KCNQ2: variants seen among roughly 807,000 people sequenced by gnomAD.
KCNQ2 encodes potassium voltage-gated channel subfamily Q member 2.
Under a neutral mutation model 84.8 loss-of-function variants are expected in KCNQ2, and 14 were observed. That is an observed-to-expected ratio of 0.17 (90% CI 0.11 to 0.26). KCNQ2 has a LOEUF of 0.26. Among genes scored for constraint, KCNQ2 ranks in the 10% least tolerant of loss-of-function variants. The pLI is 1.00. For missense variants in KCNQ2, 788 were observed against 1,254.0 expected (o/e 0.63, Z 5.61); for synonymous variants, 599 against 554.1 (o/e 1.08, Z -1.14).
intron 10 of KCNQ2, among the ~76,000 whole-genome samples, chr20:63,424,719 G>T (rs549124084): frequency 2.0e-5 from 3 of 152,324 alleles, no homozygotes; most frequent in Admixed American, 1.3e-4. Flanking sequence ...GGTTTGCACC[G>T]CTGACCAACT....
chr20:63,444,304 CTTTGTA>C (rs1054957424), intron 4 of KCNQ2, among the ~76,000 whole-genome samples: 8 of 152,232 alleles, frequency 5.3e-5, no homozygotes, highest in African/African-American at 9.6e-5. Flanking sequence ...GTGACTAGCA[CTTTGTA>C]TTGATCCAGG....
chr20:63,425,800 GTA>G lies in KCNQ2; in HGVS notation c.1218-1596_1218-1595del, dbSNP rs1467829968. Among the ~76,000 whole-genome samples the G allele has an allele frequency of 6.6e-6, 1 of 152,198 alleles. No individual in the cohort carries two copies. The highest frequency in any genetic ancestry group is 2.4e-5 in the African/African-American group (1 of 41,444). On this transcript the variant is annotated intron_variant, in intron 10 of 16. Coordinates refer to ENST00000359125, the MANE Select transcript of KCNQ2 (RefSeq NM_172107.4). This position sits in a 1 kb window ranked among gnomAD's most constrained non-coding sequence, Gnocchi z 5.5. ...AAGTCATGACAATCACTTAAATCAGGTATGTGTGAGACCGTGGGTGTGCGCCA... is the reference window on the plus strand; with the variant it reads ...AAGTCATGACAATCACTTAAATCAGGTGTGTGAGACCGTGGGTGTGCGCCA...
chr20:63,431,980 G>GCAGGGAAGGCCCCACCCT (rs1220433631), intron 8 of KCNQ2, among the ~76,000 whole-genome samples: 1 of 115,052 alleles, frequency 8.7e-6, no homozygotes, highest in Admixed American at 8.6e-5. Flanking sequence ...GGCCCCACCC[G>GCAGGGAAGGCCCCACCCT]CAGGGAAGGC....
chr20:63,415,373 G>GGT (rs1315214915), intron 12 of KCNQ2, among the ~76,000 whole-genome samples: 4 of 129,272 alleles, frequency 3.1e-5, no homozygotes, highest in African/African-American at 1.4e-4. Flanking sequence ...GGAGGCCACG[G>GGT]GGACCGAGCA....
At chr20:63,471,861 G>T (rs1264886840) in intron 1 of KCNQ2, 7 of 344,544 alleles carry the variant, frequency 2.0e-5, no homozygotes, top group Non-Finnish European at 3.7e-5. Context: ...TTTGTTCGGC[G>T]CAGAGGCCGC....
intron 1 of KCNQ2, among the ~76,000 whole-genome samples, chr20:63,457,634 G>A (rs2081837378): frequency 6.6e-6 from 1 of 152,254 alleles, no homozygotes; most frequent in Non-Finnish European, 1.5e-5. Context: ...CTCGGGAACA[G>A]GAGTGGAGGA....
chr20:63,446,946 G>T lies in KCNQ2; in HGVS notation c.297-109C>A. 1.0e-6 allele frequency: 1 copy of T among 954,218 alleles called. No individual in the cohort carries two copies. The highest frequency in any genetic ancestry group is 1.7e-6 in the Non-Finnish European group (1 of 587,210). 59.1% of individuals were successfully genotyped at this position (954,218 alleles called of 1,614,324 possible). On this transcript the variant is annotated intron_variant, in intron 1 of 16. Transcript: ENST00000359125. The surrounding 1 kb of genome is among the most constrained non-coding windows in gnomAD (Gnocchi z 5.5). The stretch of plus-strand genomic sequence containing the variant: ...CCCACCAGGCCGCAGCAGGGCACCA[G>T]CATGGCCGCGTCTCCAGAACGCAGG...
intron 11 of KCNQ2, among the ~76,000 whole-genome samples, chr20:63,420,833 T>C (rs1220395238): frequency 3.3e-5 from 3 of 91,722 alleles, no homozygotes; most frequent in Non-Finnish European, 1.0e-4. Flanking sequence ...GACTTTGGGG[T>C]CCCCAGGCAC....
chr20:63,420,914 G>A (rs1206031738), intron 11 of KCNQ2, among the ~76,000 whole-genome samples: 1 of 152,178 alleles, frequency 6.6e-6, no homozygotes, highest in Non-Finnish European at 1.5e-5. Context: ...GACGAGGCAG[G>A]AGGGAGCCGG....
Position 63,425,402 on chromosome 20 carries a change from C to T in KCNQ2, c.1218-1196G>A, listed in dbSNP as rs1601607047. On this transcript the variant is annotated intron_variant, in intron 10 of 16. Coordinates refer to ENST00000359125, the MANE Select transcript of KCNQ2 (RefSeq NM_172107.4). The surrounding 1 kb of genome is among the most constrained non-coding windows in gnomAD (Gnocchi z 5.5). ...AAATCTCCACCCTCTGCAGCATGGA[C>T]TGTGTGTCCAAAACCTCATCGAAAT... Among the ~76,000 whole-genome samples the T allele has an allele frequency of 6.6e-6, 1 of 152,154 alleles. No individual in the cohort carries two copies. The highest frequency in any genetic ancestry group is 1.5e-5 in the Non-Finnish European group (1 of 68,038).
chr20:63,434,919 G>A (rs191060629), intron 7 of KCNQ2, among the ~76,000 whole-genome samples: 14 of 152,366 alleles, frequency 9.2e-5, no homozygotes, highest in Admixed American at 9.1e-4. Context: ...TTGAAGGTCT[G>A]TTTTCAATTC....
intron 1 of KCNQ2, among the ~76,000 whole-genome samples, chr20:63,470,651 G>A (rs558133721): frequency 2.0e-5 from 3 of 152,338 alleles, no homozygotes; most frequent in South Asian, 2.1e-4. Context: ...GCGCTGGCCA[G>A]GCTGTCAGGG....
At chr20:63,450,491 C>T (rs377629639) in intron 1 of KCNQ2, among the ~76,000 whole-genome samples, 5 of 1,220 alleles carry the variant, frequency 4.1e-3, no homozygotes, top group East Asian at 0.015. Context: ...CAGCACTGGG[C>T]GCTGCAGTCA....
At position 63,408,978 on chromosome 20, in the gene KCNQ2, G is replaced by A. The variant is rs991461378; in HGVS notation, c.1764-442C>T. ...CCAGAGGATGCCCCTCCCCCTACCC[G>A]TGCCCACCCCGGAGCTTTACTCCTA... On this transcript the variant is annotated intron_variant, in intron 15 of 16. Transcript: ENST00000359125. The surrounding 1 kb of genome is among the most constrained non-coding windows in gnomAD (Gnocchi z 5.0). Among the ~76,000 whole-genome samples, 3 of 152,098 alleles carry A rather than the reference G, an allele frequency of 2.0e-5. No individual in the cohort carries two copies. The highest frequency in any genetic ancestry group is 4.1e-4 in the South Asian group (2 of 4,824).
At chr20:63,470,397 T>C (rs1245173331) in intron 1 of KCNQ2, among the ~76,000 whole-genome samples, 1 of 151,924 alleles carries the variant, frequency 6.6e-6, no homozygotes, top group African/African-American at 2.4e-5. Context: ...CTGGGGGTGG[T>C]CAGGAAGAGA....
At position 63,408,510 on chromosome 20, in the gene KCNQ2, G is replaced by T. The variant is rs772213473; in HGVS notation, c.1790C>A (p.Pro597Gln). 2 of 1,610,130 alleles carry T rather than the reference G, an allele frequency of 1.2e-6. No homozygotes were observed. Among genetic ancestry groups the T allele is most frequent in the South Asian group, 2.2e-5 (2 of 90,598 alleles). The change falls in exon 16 of 17, where the codon CCA becomes CAA. Residue 597 changes from proline (P) to glutamine (Q), a missense_variant. Pro to Gln is a moderately conservative substitution (Grantham distance 76). Around this residue, in one of 8 missense-constraint regions of KCNQ2, gnomAD observed 378 missense variants for 434.5 expected, o/e 0.87. Transcript: ENST00000359125. The surrounding 1 kb of genome is among the most constrained non-coding windows in gnomAD (Gnocchi z 5.0). ...GGTGCGGTCCTTGTCCGTGATCGCT[G>T]GGCCCCGCCCCACGATCTGGTCCAC... is the stretch of plus-strand genomic sequence containing the variant. ...SRVDQIVGRG[P>Q]AITDKDRTKG...
rs750270667 is a variant in KCNQ2, at chr20:63,408,395, C to T, written c.1887+18G>A. 1.9e-5 allele frequency: 30 copies of T among 1,605,504 alleles called. No homozygotes were observed. In the East Asian group the frequency reaches 6.5e-4, roughly 35 times the overall value. The stretch of plus-strand genomic sequence containing the variant: ...ACAGCCCTCCAGCCCCGCACCCCTC[C>T]CGCCCAGCCTCTCGCACCTGCTTCT... On this transcript the variant is annotated intron_variant, in intron 16 of 16. Coordinates refer to ENST00000359125, the MANE Select transcript of KCNQ2 (RefSeq NM_172107.4). The surrounding 1 kb of genome is among the most constrained non-coding windows in gnomAD (Gnocchi z 5.0).
At position 63,400,639 on chromosome 20, in the gene KCNQ2, C is replaced by T. The variant is rs983675116; in HGVS notation, c.*6005G>A. The stretch of plus-strand genomic sequence containing the variant: ...AAGTGCAGACAGCCAGAGGCAACGG[C>T]GCAAATGGGGAAGCTGCAGCCACCG... On this transcript the variant is annotated 3_prime_UTR_variant, in exon 17 of 17. Transcript: ENST00000359125. The surrounding 1 kb of genome is among the most constrained non-coding windows in gnomAD (Gnocchi z 8.7). The T allele has an allele frequency of 2.0e-5, 8 of 398,528 alleles. No homozygotes were observed. Among genetic ancestry groups the T allele is most frequent in the Non-Finnish European group, 3.1e-5 (7 of 226,094 alleles). 24.7% of individuals were successfully genotyped at this position (398,528 alleles called of 1,614,324 possible).
At chr20:63,463,349 C>T (rs966783625) in intron 1 of KCNQ2, among the ~76,000 whole-genome samples, 3 of 152,156 alleles carry the variant, frequency 2.0e-5, no homozygotes, top group Non-Finnish European at 4.4e-5. Context: ...CCTCCTGCTC[C>T]GTCCTGGGGT....
Sources: gnomAD v4.1 joint callset for allele counts (sites outside exome capture counted in the v4.1 genomes callset) on GRCh38, gnomAD v4.1.1 for gene constraint, gnomAD v4.1.1 regional missense constraint, Gnocchi (gnomAD v3.1) non-coding constraint, MANE v1.5 for transcripts, NCBI Gene and HGNC (gene_info 2026-07-23, HGNC 2026-07-21) for gene names.